TTC33: variants seen among roughly 807,000 people sequenced by gnomAD.
TTC33 encodes tetratricopeptide repeat domain 33.
TTC33 carries 24 observed loss-of-function variants against 29.4 expected under a neutral mutation model. That is an observed-to-expected ratio of 0.82 (90% CI 0.59 to 1.15). TTC33 has a LOEUF of 1.15. TTC33 is among the 50% of genes most tolerant of loss of function. TTC33 has a pLI of 0.00. For missense variants in TTC33, 286 were observed against 310.4 expected (o/e 0.92, Z 0.59); for synonymous variants, 107 against 100.3 (o/e 1.07, Z -0.40).
At position 40,728,408 on chromosome 5, in the gene TTC33, T is replaced by C; in HGVS notation, c.372A>G (p.Pro124=). The C allele has an allele frequency of 6.2e-7, 1 of 1,613,858 alleles. No individual in the cohort carries two copies. The highest frequency in any genetic ancestry group is 8.5e-7 in the Non-Finnish European group (1 of 1,179,922). The stretch of plus-strand genomic sequence containing the variant: ...AAGTCTGCCAAGACTCCCATGAATG[T>C]GGATTTTGCTGGACGGCCATTTCTG... The part of the protein sequence containing the change: ...HAAEMAVQQN[P]HSWESWQTLG... The change falls in exon 4 of 5, where the codon CCA becomes CCG. Residue 124 remains proline (P), a synonymous_variant. Coordinates refer to ENST00000337702, the MANE Select transcript of TTC33 (RefSeq NM_012382.3).
At chr5:40,730,212 C>A in intron 3 of TTC33, 50 bp downstream of exon 3, 1 of 1,440,962 alleles carries the variant, frequency 6.9e-7, no homozygotes, top group Non-Finnish European at 9.6e-7. Context: ...ACTCACCGAA[C>A]AAACATAGCA....
intron 2 of TTC33, among the ~76,000 whole-genome samples, chr5:40,741,795 C>T (rs553153012): frequency 3.9e-4 from 60 of 152,238 alleles, no homozygotes; most frequent in Admixed American, 9.2e-4. Flanking sequence ...TCAAGACCAG[C>T]CTGGCCAATA....
chr5:40,739,671 G>C (rs1440958270), intron 2 of TTC33, among the ~76,000 whole-genome samples: 1 of 152,158 alleles, frequency 6.6e-6, no homozygotes, highest in East Asian at 1.9e-4. Flanking sequence ...CCCAGAAGCT[G>C]AGCAGATGCC....
rs1245855123 is a variant in TTC33 at position 40,738,504 on chromosome 5, C to CAATAA, written c.222-8166_222-8162dup. ...CAATACAATACAATACAATACAATA[C>CAATAA]AATAAAATACAATAAAATAAAATAC... On this transcript the variant is annotated intron_variant, in intron 2 of 4. Transcript: ENST00000337702. Among the ~76,000 whole-genome samples, 126 of 102,632 alleles carry CAATAA rather than the reference C, an allele frequency of 1.2e-3. 2 individuals carry two copies. The highest frequency in any genetic ancestry group is 3.9e-3 in the African/African-American group (101 of 26,122). 67.3% of individuals were successfully genotyped at this position (102,632 alleles called of 152,430 possible).
chr5:40,728,193 AGAATC>A, intron 4 of TTC33, 147 bp downstream of exon 4: 1 of 510,866 alleles, frequency 2.0e-6, no homozygotes, highest in Non-Finnish European at 3.2e-6. Context: ...CTGAGACAGG[AGAATC>A]GCTTGAACCC....
intron 2 of TTC33, among the ~76,000 whole-genome samples, chr5:40,735,060 G>A (rs535558210): frequency 3.9e-5 from 6 of 152,328 alleles, no homozygotes; most frequent in African/African-American, 1.4e-4. Flanking sequence ...CCTGGGGCAG[G>A]ACCAAACCAT....
intron 2 of TTC33, among the ~76,000 whole-genome samples, chr5:40,734,524 T>C (rs1015027): frequency 0.35 from 52,845 of 152,028 alleles, 10,174 homozygotes; most frequent in Admixed American, 0.46. Context: ...CAGGATGAGA[T>C]AATGCCCTAT....
At chr5:40,741,407 G>A (rs1459718495) in intron 2 of TTC33, among the ~76,000 whole-genome samples, 2 of 152,198 alleles carry the variant, frequency 1.3e-5, no homozygotes, top group Non-Finnish European at 2.9e-5. Flanking sequence ...CTGTATGAAC[G>A]CTACGAATGG....
chr5:40,718,480 G>A (rs190889654), intron 4 of TTC33, among the ~76,000 whole-genome samples: 3 of 152,264 alleles, frequency 2.0e-5, no homozygotes, highest in East Asian at 1.9e-4. Flanking sequence ...GGTGGCTCAC[G>A]CCTGTAATCC....
At chr5:40,745,975 A>G (rs1462444779) in intron 2 of TTC33, among the ~76,000 whole-genome samples, 1 of 152,104 alleles carries the variant, frequency 6.6e-6, no homozygotes, top group Non-Finnish European at 1.5e-5. Flanking sequence ...GATTAGAGAT[A>G]CCATTCTATA....
chr5:40,754,863 AGC>A (rs1742957578), intron 1 of TTC33, among the ~76,000 whole-genome samples: 1 of 152,248 alleles, frequency 6.6e-6, no homozygotes, highest in African/African-American at 2.4e-5. Flanking sequence ...AGATATCTTA[AGC>A]CGAACGAGTT....
chr5:40,716,831 A>C (rs1742011290), intron 4 of TTC33, among the ~76,000 whole-genome samples: 1 of 152,216 alleles, frequency 6.6e-6, no homozygotes, highest in Non-Finnish European at 1.5e-5. Context: ...GGGCTAACCC[A>C]CAATCACAAA....
chr5:40,732,744 G>A (rs913175322), intron 2 of TTC33, among the ~76,000 whole-genome samples: 8 of 151,956 alleles, frequency 5.3e-5, no homozygotes, highest in African/African-American at 1.9e-4. Flanking sequence ...GAGTGGCTGG[G>A]ACTACAGGCA....
intron 2 of TTC33, among the ~76,000 whole-genome samples, chr5:40,736,560 G>T (rs2111910185): frequency 6.6e-6 from 1 of 152,188 alleles, no homozygotes; most frequent in Non-Finnish European, 1.5e-5. Context: ...AACCTAGTTT[G>T]TAATAATTCT....
intron 4 of TTC33, among the ~76,000 whole-genome samples, chr5:40,726,999 G>A (rs1320856137): frequency 6.6e-6 from 1 of 152,050 alleles, no homozygotes; most frequent in Non-Finnish European, 1.5e-5. Flanking sequence ...GGTTAAAATG[G>A]TTTCTATCAC....
chr5:40,748,278 C>A lies in TTC33; in HGVS notation c.-1-1259G>T, dbSNP rs550399962. On this transcript the variant is annotated intron_variant, in intron 1 of 4. Transcript: ENST00000337702. ...ATGGCACGACCTCGGCTCATTGCAA[C>A]CTCTGCCTCCCAGGTTCAAACAATT... Among the ~76,000 whole-genome samples the A allele has an allele frequency of 1.3e-3, 192 of 152,098 alleles. 3 individuals are homozygous for A. Among genetic ancestry groups the A allele is most frequent in the African/African-American group, 4.4e-3 (184 of 41,470 alleles).
chr5:40,741,114 A>C (rs1469896412), intron 2 of TTC33, among the ~76,000 whole-genome samples: 2 of 152,290 alleles, frequency 1.3e-5, no homozygotes, highest in East Asian at 3.9e-4. Flanking sequence ...ACTCTTTGGC[A>C]TGTCCAGTAA....
chr5:40,718,400 T>C (rs1320825248), intron 4 of TTC33, among the ~76,000 whole-genome samples: 1 of 150,178 alleles, frequency 6.7e-6, no homozygotes, highest in African/African-American at 2.5e-5. Context: ...AGCAAGACTC[T>C]GTCTCAAAAA....
chr5:40,748,165 C>T (rs1579692624), intron 1 of TTC33, among the ~76,000 whole-genome samples: 3 of 151,858 alleles, frequency 2.0e-5, no homozygotes, highest in Admixed American at 6.6e-5. Flanking sequence ...ATGGGAACAC[C>T]GATTTGATAT....
Sources: gnomAD v4.1 joint callset for allele counts (sites outside exome capture counted in the v4.1 genomes callset) on GRCh38, gnomAD v4.1.1 for gene constraint, MANE v1.5 for transcripts, NCBI Gene and HGNC (gene_info 2026-07-23, HGNC 2026-07-21) for gene names.